The following ING5 variants were observed in gnomAD, a reference collection of about 807,000 sequenced individuals.
The protein encoded by ING5 is inhibitor of growth family member 5.
A neutral mutation model predicts 37.4 loss-of-function variants in ING5; 17 were observed. That is an observed-to-expected ratio of 0.45 (90% CI 0.31 to 0.68). The LOEUF (loss-of-function observed/expected upper bound fraction) is 0.68, where lower values mean the gene tolerates loss of function less well. Among genes scored for constraint, ING5 ranks in the 30% least tolerant of loss-of-function variants. The pLI, the probability that ING5 is intolerant of heterozygous loss-of-function variation, is 0.05. For synonymous variants in ING5, 123 were observed against 116.6 expected, an observed-to-expected ratio of 1.06 and a Z score of -0.36; for missense variants, 233 against 311.9, an observed-to-expected ratio of 0.75 and a Z score of 1.91.
rs568476196 is a variant in ING5, at chr2:241,710,711, C to T, written c.277-666C>T. Among the ~76,000 whole-genome samples the T allele has an allele frequency of 1.3e-3, 203 of 151,240 alleles. 2 individuals carry two copies. The highest frequency in any genetic ancestry group is 4.5e-3 in the African/African-American group (186 of 41,230). The stretch of plus-strand genomic sequence containing the variant: ...GTTGGTCAGGCTGGTCCTGAACTCC[C>T]GACCTCAGGTGATTGACCTGCCTCA... On this transcript the variant is annotated intron_variant, in intron 3 of 7. Coordinates refer to ENST00000313552, the MANE Select transcript of ING5 (RefSeq NM_032329.6).
intron 2 of ING5, chr2:241,709,004 G>C: frequency 2.1e-6 from 1 of 482,560 alleles, no homozygotes; most frequent in Non-Finnish European, 3.7e-6. Flanking sequence ...ACTGTCCTGG[G>C]CACGTTGCCG....
chr2:241,720,082 G>A (rs749724667), intron 5 of ING5: 1 of 1,242,504 alleles, frequency 8.0e-7, no homozygotes, highest in Non-Finnish European at 1.0e-6. Context: ...CCTTCCAGAG[G>A]GACAGGAGGA....
chr2:241,716,117 G>A (rs914304844), intron 5 of ING5, among the ~76,000 whole-genome samples: 1 of 151,382 alleles, frequency 6.6e-6, no homozygotes, highest in Non-Finnish European at 1.5e-5. Flanking sequence ...GCAATATTTG[G>A]TCTGTTCATA....
At chr2:241,699,429 T>C (rs1359749658), upstream of ING5, among the ~76,000 whole-genome samples, 1 of 152,122 alleles carries the variant, frequency 6.6e-6, no homozygotes, top group African/African-American at 2.4e-5. Context: ...TAGCTTGTTT[T>C]TTTAGGTGGG....
intron 5 of ING5, among the ~76,000 whole-genome samples, chr2:241,716,547 G>A (rs756390474): frequency 2.6e-5 from 4 of 151,794 alleles, no homozygotes; most frequent in South Asian, 4.1e-4. Context: ...CACCCACCTC[G>A]GCCTCCCAAA....
chr2:241,691,571 C>G (rs1205651988), intron 2 of ING5, among the ~76,000 whole-genome samples: 1 of 152,168 alleles, frequency 6.6e-6, no homozygotes, highest in Non-Finnish European at 1.5e-5. Flanking sequence ...GGGGCTGTCA[C>G]GACAGACTAC....
intron 1 of ING5, 44 bp downstream of exon 1, chr2:241,702,146 T>TCCTCCGTGCCGCAGC: frequency 8.4e-7 from 1 of 1,193,464 alleles, no homozygotes; most frequent in South Asian, 2.7e-5. Context: ...CCACGCGGAG[T>TCCTCCGTGCCGCAGC]CCTCCGTGCC....
At chr2:241,701,099 G>A (rs542573347), upstream of ING5, among the ~76,000 whole-genome samples, 70 of 150,278 alleles carry the variant, frequency 4.7e-4, no homozygotes, top group East Asian at 0.013. Context: ...GACTACAGGC[G>A]TGCGCCACCA....
chr2:241,702,005 CG>C (rs2069740243), upstream of ING5: 1 of 1,257,600 alleles, frequency 8.0e-7, no homozygotes, highest in African/African-American at 1.6e-5. Flanking sequence ...GGCACCGCCC[CG>C]CCCCCGCCTC....
At chr2:241,695,780 A>G (rs1187130102) in intron 2 of ING5, among the ~76,000 whole-genome samples, 1 of 152,230 alleles carries the variant, frequency 6.6e-6, no homozygotes, top group Non-Finnish European at 1.5e-5. Context: ...ATGTATAGCC[A>G]TGTTCATTAC....
At position 241,709,340 on chromosome 2, in the gene ING5, C is replaced by T. The variant is rs768787017; in HGVS notation, c.234C>T (p.Tyr78=). ...ACGCCTACAGCAAGTGCAAGGAATA[C>T]AGTGACGACAAAGTGCAGCTGGCCA... The part of the protein sequence containing the change: ...IQNAYSKCKE[Y]SDDKVQLAMQ... The change falls in exon 3 of 8, where the codon TAC becomes TAT. Residue 78 remains tyrosine (Y), a synonymous_variant. Transcript: ENST00000313552. 3.7e-6 allele frequency: 6 copies of T among 1,613,910 alleles called. No individual in the cohort carries two copies. The highest frequency in any genetic ancestry group is 5.1e-6 in the Non-Finnish European group (6 of 1,179,976).
intron 5 of ING5, chr2:241,722,203 C>T (rs1330382295): frequency 2.0e-6 from 2 of 985,254 alleles, no homozygotes; most frequent in Non-Finnish European, 2.4e-6. Flanking sequence ...ACCTGTCAGT[C>T]TGGAGTGGGA....
intron 3 of ING5, among the ~76,000 whole-genome samples, chr2:241,710,148 C>T (rs1379102306): frequency 1.3e-5 from 2 of 151,454 alleles, no homozygotes; most frequent in Admixed American, 1.3e-4. Context: ...CTCTTGTTGC[C>T]CAGGCTGGAG....
At chr2:241,709,822 G>T (rs1688058628) in intron 3 of ING5, among the ~76,000 whole-genome samples, 1 of 151,916 alleles carries the variant, frequency 6.6e-6, no homozygotes, top group Non-Finnish European at 1.5e-5. Flanking sequence ...GGCCATGCTG[G>T]TCTCGAACTC....
chr2:241,700,108 G>A (rs557297070), upstream of ING5, among the ~76,000 whole-genome samples: 2 of 151,016 alleles, frequency 1.3e-5, no homozygotes, highest in Admixed American at 1.3e-4. Flanking sequence ...TCAGCCTCCT[G>A]GGTAGCTGGG....
intron 5 of ING5, chr2:241,721,817 T>C (rs927191548): frequency 1.2e-5 from 12 of 985,418 alleles, no homozygotes; most frequent in Non-Finnish European, 1.4e-5. Flanking sequence ...AGTGCATCCC[T>C]TTCAAACAGG....
intron 7 of ING5, chr2:241,724,781 C>T: frequency 3.4e-6 from 2 of 589,386 alleles, no homozygotes; most frequent in Non-Finnish European, 6.1e-6. Context: ...GTGTATCTGT[C>T]AGCTTCAGAA....
At chr2:241,703,090 G>T (rs995907439) in intron 1 of ING5, among the ~76,000 whole-genome samples, 1 of 152,122 alleles carries the variant, frequency 6.6e-6, no homozygotes. Flanking sequence ...GTAGTGGGGG[G>T]TTCCCTGGGT....
exon 1 of ING5, chr2:241,687,504 C>A (rs925104079): frequency 2.0e-5 from 8 of 395,698 alleles, no homozygotes; most frequent in Non-Finnish European, 2.7e-5. Flanking sequence ...CTGCAGGGCT[C>A]TGGAAAGTCC....
Sources: allele counts gnomAD v4.1 joint callset (sites outside exome capture counted in the v4.1 genomes callset), GRCh38; gene constraint gnomAD v4.1.1; transcripts MANE v1.5; gene names NCBI Gene and HGNC (gene_info 2026-07-23, HGNC 2026-07-21).